The following DZIP3 variants were observed in gnomAD, a reference collection of about 807,000 sequenced individuals.
DZIP3 encodes DAZ interacting zinc finger protein 3.
DZIP3 carries 118 observed loss-of-function variants against 162.0 expected under a neutral mutation model. That is an observed-to-expected ratio of 0.73 (90% CI 0.63 to 0.85). The LOEUF (loss-of-function observed/expected upper bound fraction) is 0.85. Among genes scored for constraint, DZIP3 ranks in the 40% least tolerant of loss-of-function variants. The probability of loss-of-function intolerance (pLI) is 0.00; values close to 1 mark genes in which losing one functional copy is unlikely to be tolerated. For synonymous variants in DZIP3, 438 were observed against 458.6 expected (o/e 0.96, Z 0.57); for missense variants, 1,331 against 1,407.0 (o/e 0.95, Z 0.86).
intron 28 of DZIP3, 32 bp from the exon 29 acceptor site, chr3:108,687,944 T>C (rs1265321558): frequency 6.2e-7 from 1 of 1,612,824 alleles, no homozygotes; most frequent in South Asian, 1.1e-5. Context: ...GGAAAATCAT[T>C]ACTGCCCTTT....
intron 4 of DZIP3, among the ~76,000 whole-genome samples, chr3:108,616,265 A>AAAATAAATAAAT (rs200164808): frequency 2.4e-3 from 352 of 145,368 alleles, no homozygotes; most frequent in African/African-American, 6.1e-3. Flanking sequence ...CTCCATCTCA[A>AAAATAAATAAAT]AAATAAATAA....
At chr3:108,589,585 A>C, upstream of DZIP3, 1 of 451,802 alleles carries the variant, frequency 2.2e-6, no homozygotes, top group East Asian at 3.7e-5. Flanking sequence ...TTGTGGGTCC[A>C]GGACGGGGGT....
chr3:108,620,266 A>G (rs978222825), intron 5 of DZIP3, among the ~76,000 whole-genome samples: 1 of 152,220 alleles, frequency 6.6e-6, no homozygotes, highest in African/African-American at 2.4e-5. Flanking sequence ...TTGGTCATCT[A>G]GGTACCTGCT....
At chr3:108,662,973 G>C (rs1289787107) in intron 21 of DZIP3, among the ~76,000 whole-genome samples, 3 of 152,194 alleles carry the variant, frequency 2.0e-5, no homozygotes, top group Admixed American at 1.3e-4. Flanking sequence ...TGCTGATAGG[G>C]AGAATAGAAA....
chr3:108,659,278 A>G (rs1943303236), intron 19 of DZIP3, among the ~76,000 whole-genome samples: 1 of 152,200 alleles, frequency 6.6e-6, no homozygotes, highest in East Asian at 1.9e-4. Flanking sequence ...GCAGCACATC[A>G]AAAAGCTTAT....
chr3:108,615,771 A>C (rs1470253699), intron 4 of DZIP3, among the ~76,000 whole-genome samples: 1 of 152,238 alleles, frequency 6.6e-6, no homozygotes, highest in African/African-American at 2.4e-5. Flanking sequence ...CTCAGTTGCA[A>C]TCAGATTGCA....
chr3:108,638,341 A>G (rs1489501351), intron 12 of DZIP3, among the ~76,000 whole-genome samples: 1 of 96,030 alleles, frequency 1.0e-5, no homozygotes, highest in Non-Finnish European at 2.2e-5. Context: ...TTTGAGATGG[A>G]GTCTTGCTCT....
chr3:108,678,524 C>T (rs1944193758), intron 26 of DZIP3, among the ~76,000 whole-genome samples: 1 of 152,040 alleles, frequency 6.6e-6, no homozygotes, highest in South Asian at 2.1e-4. Flanking sequence ...GTTTTATATT[C>T]TATTCTACCT....
intron 1 of DZIP3, among the ~76,000 whole-genome samples, chr3:108,595,354 A>T (rs1000926769): frequency 4.6e-5 from 7 of 152,080 alleles, no homozygotes; most frequent in Non-Finnish European, 1.0e-4. Context: ...AGTAGCTGGG[A>T]CTACAGGCAT....
intron 12 of DZIP3, among the ~76,000 whole-genome samples, chr3:108,638,960 C>G (rs1023753717): frequency 1.1e-4 from 17 of 152,200 alleles, no homozygotes; most frequent in African/African-American, 4.1e-4. Flanking sequence ...CATATATGTA[C>G]CAACTATACG....
chr3:108,631,008 TACAC>T (rs779771238), intron 8 of DZIP3, among the ~76,000 whole-genome samples: 296 of 27,380 alleles, frequency 0.011, 4 homozygotes, highest in South Asian at 0.037. Flanking sequence ...ATACATCCCC[TACAC>T]ACACACACAC....
intron 21 of DZIP3, among the ~76,000 whole-genome samples, chr3:108,664,207 A>G (rs1369217445): frequency 1.3e-5 from 2 of 152,320 alleles, no homozygotes; most frequent in South Asian, 2.1e-4. Context: ...GCTAATAAGC[A>G]CAGGGGGAGA....
intron 26 of DZIP3, among the ~76,000 whole-genome samples, chr3:108,678,355 C>T (rs1217130704): frequency 6.6e-6 from 1 of 151,926 alleles, no homozygotes; most frequent in Non-Finnish European, 1.5e-5. Flanking sequence ...AAACCATCTC[C>T]ACTCCCCAGT....
At chr3:108,648,829 A>G in intron 16 of DZIP3, 89 bp from the exon 17 acceptor site, 1 of 620,560 alleles carries the variant, frequency 1.6e-6, no homozygotes, top group Middle Eastern at 3.7e-4. Context: ...AAAACAAAAG[A>G]TCTCAGTGGT....
At chr3:108,632,586 C>T (rs1420729199) in intron 8 of DZIP3, among the ~76,000 whole-genome samples, 3 of 152,174 alleles carry the variant, frequency 2.0e-5, no homozygotes, top group African/African-American at 7.2e-5. Context: ...CTCTTGGACA[C>T]CAGTGATTTA....
intron 25 of DZIP3, among the ~76,000 whole-genome samples, chr3:108,676,219 C>T (rs1407245545): frequency 1.3e-5 from 2 of 152,092 alleles, no homozygotes; most frequent in Non-Finnish European, 1.5e-5. Context: ...GGAGCCAAGG[C>T]GAGAGGATCA....
At chr3:108,670,581 G>C (rs1264674898) in intron 22 of DZIP3, among the ~76,000 whole-genome samples, 1 of 151,850 alleles carries the variant, frequency 6.6e-6, no homozygotes, top group Non-Finnish European at 1.5e-5. Context: ...TATGAATACT[G>C]TTATCAATAT....
rs527656866 is a variant in DZIP3 at position 108,693,571 on chromosome 3, A to G, written c.*218A>G. 3.3e-5 allele frequency: 5 copies of G among 152,178 alleles called. No homozygotes were observed. 9.4% of individuals were successfully genotyped at this position (152,178 alleles called of 1,614,324 possible). A position where few individuals can be genotyped will look rare whatever the true frequency, so the allele number is the denominator to read the frequency against. ...AAGACCTACCTTTCCCTTAAGAGCTAGTTGTTAAACCTTTACCAGCATACC... is the reference window on the plus strand; with the variant it reads ...AAGACCTACCTTTCCCTTAAGAGCTGGTTGTTAAACCTTTACCAGCATACC... On this transcript the variant is annotated 3_prime_UTR_variant, in exon 33 of 33. Transcript: ENST00000361582.
intron 25 of DZIP3, 99 bp from the exon 26 acceptor site, chr3:108,677,398 C>T: frequency 2.1e-6 from 2 of 952,658 alleles, no homozygotes; most frequent in Non-Finnish European, 3.3e-6. Flanking sequence ...GGCAACCACT[C>T]TTGTATGTTG....
Sources: gnomAD v4.1 joint callset for allele counts (sites outside exome capture counted in the v4.1 genomes callset) on GRCh38, gnomAD v4.1.1 for gene constraint, MANE v1.5 for transcripts, NCBI Gene and HGNC (gene_info 2026-07-23, HGNC 2026-07-21) for gene names.